Variants in NR2F1-AS1 observed in about 807,000 individuals in gnomAD.
The protein encoded by NR2F1-AS1 is NR2F1 antisense RNA 1.
chr5:93,493,175 T>A (rs1352094369), intron 4 of NR2F1-AS1, among the ~76,000 whole-genome samples: 1 of 152,100 alleles, frequency 6.6e-6, no homozygotes, highest in Non-Finnish European at 1.5e-5. Context: ...CTAGTGCTAA[T>A]AAGCAAATTC....
rs187608451 is a variant in NR2F1-AS1, at chr5:93,487,757, T to C, written n.638+66004A>G. 1.8e-3 allele frequency among the ~76,000 whole-genome samples: 268 copies of C among 152,164 alleles called. 1 individual carries two copies. The highest frequency in any genetic ancestry group is 6.8e-3 in the Middle Eastern group (2 of 294). On this transcript the variant is annotated intron_variant and non_coding_transcript_variant, in intron 4 of 5. Coordinates refer to ENST00000660523, the Ensembl canonical transcript of NR2F1-AS1. ...GGAAAAAACTACTTTAAACTTGATA[T>C]GGAACCAAAAAAGAGCCTGTATAGC...
intron 4 of NR2F1-AS1, among the ~76,000 whole-genome samples, chr5:93,459,645 T>C (rs1750046514): frequency 6.6e-6 from 1 of 152,210 alleles, no homozygotes; most frequent in Non-Finnish European, 1.5e-5. Context: ...TAGTTTAACA[T>C]TTTTTAAATA....
At chr5:93,567,226 C>G (rs1036787639) in intron 1 of NR2F1-AS1, among the ~76,000 whole-genome samples, 1 of 151,106 alleles carries the variant, frequency 6.6e-6, no homozygotes, top group Non-Finnish European at 1.5e-5. Context: ...TAGACAACAC[C>G]TTTTTTTTTC....
chr5:93,515,733 G>A (rs773355750), intron 4 of NR2F1-AS1, among the ~76,000 whole-genome samples: 28 of 151,704 alleles, frequency 1.8e-4, no homozygotes, highest in Non-Finnish European at 3.7e-4. Context: ...AGTATAAATT[G>A]GGCCTTAATA....
At chr5:93,467,760 T>C (rs1416614110) in intron 4 of NR2F1-AS1, among the ~76,000 whole-genome samples, 1 of 152,190 alleles carries the variant, frequency 6.6e-6, no homozygotes, top group East Asian at 1.9e-4. Context: ...ATGTGCCATG[T>C]TGGTTTGCTG....
intron 4 of NR2F1-AS1, among the ~76,000 whole-genome samples, chr5:93,545,575 G>A: frequency 6.6e-6 from 1 of 152,138 alleles, no homozygotes; most frequent in South Asian, 2.1e-4. Flanking sequence ...AAAGGCAGTA[G>A]GTGGGCATTA....
intron 4 of NR2F1-AS1, among the ~76,000 whole-genome samples, chr5:93,550,711 T>C (rs1176783299): frequency 6.6e-6 from 1 of 152,226 alleles, no homozygotes; most frequent in Admixed American, 6.5e-5. Flanking sequence ...GTTAAAATGT[T>C]AGCAAGTGCA....
chr5:93,496,404 C>T (rs575427683), intron 4 of NR2F1-AS1, among the ~76,000 whole-genome samples: 18 of 152,226 alleles, frequency 1.2e-4, no homozygotes, highest in South Asian at 6.2e-4. Flanking sequence ...ATGTGAGACA[C>T]GGCATAGCTT....
chr5:93,440,822 A>G (rs1213600753), intron 4 of NR2F1-AS1, among the ~76,000 whole-genome samples: 1 of 152,204 alleles, frequency 6.6e-6, no homozygotes, highest in Non-Finnish European at 1.5e-5. Context: ...ATGAGGAAAA[A>G]TAAATGCATT....
At chr5:93,416,556 A>C (rs1304964684) in intron 4 of NR2F1-AS1, among the ~76,000 whole-genome samples, 1 of 152,204 alleles carries the variant, frequency 6.6e-6, no homozygotes, top group East Asian at 1.9e-4. Context: ...GACATGTGGG[A>C]GTTTATTACA....
chr5:93,510,272 G>T (rs31466), intron 4 of NR2F1-AS1, among the ~76,000 whole-genome samples: 163 of 152,140 alleles, frequency 1.1e-3, no homozygotes, highest in Middle Eastern at 6.8e-3. Flanking sequence ...AAGAGTCTCT[G>T]ATTTCACTGC....
chr5:93,520,185 C>T (rs1255984764), intron 4 of NR2F1-AS1, among the ~76,000 whole-genome samples: 1 of 152,032 alleles, frequency 6.6e-6, no homozygotes, highest in Non-Finnish European at 1.5e-5. Flanking sequence ...ATGCTTAAAA[C>T]TAAAGTTTGC....
intron 4 of NR2F1-AS1, among the ~76,000 whole-genome samples, chr5:93,427,918 A>AAGAAAG (rs1369035405): frequency 6.6e-6 from 1 of 150,822 alleles, no homozygotes; most frequent in Non-Finnish European, 1.5e-5. Context: ...AAGAGAGAGA[A>AAGAAAG]AGAGAGAGAG....
intron 4 of NR2F1-AS1, among the ~76,000 whole-genome samples, chr5:93,525,013 T>A (rs1170272333): frequency 6.6e-6 from 1 of 152,038 alleles, no homozygotes; most frequent in Admixed American, 6.6e-5. Flanking sequence ...AATAACAAGG[T>A]TAACCTTAAA....
At chr5:93,559,328 A>G (rs1298986607) in intron 2 of NR2F1-AS1, among the ~76,000 whole-genome samples, 2 of 152,210 alleles carry the variant, frequency 1.3e-5, no homozygotes, top group Admixed American at 6.5e-5. Flanking sequence ...CCTTCACAGA[A>G]TCGAAGAGAG....
chr5:93,467,507 C>T (rs1231342769), intron 4 of NR2F1-AS1, among the ~76,000 whole-genome samples: 1 of 152,182 alleles, frequency 6.6e-6, no homozygotes, highest in Non-Finnish European at 1.5e-5. Context: ...CAGGCCAGTG[C>T]TCCGTTCAGT....
At chr5:93,458,179 G>A (rs918758466) in intron 4 of NR2F1-AS1, among the ~76,000 whole-genome samples, 5 of 152,090 alleles carry the variant, frequency 3.3e-5, no homozygotes, top group African/African-American at 9.7e-5. Context: ...GGGGACCGGC[G>A]CTCAGCATAC....
chr5:93,502,241 A>C (rs1204349828), intron 4 of NR2F1-AS1, among the ~76,000 whole-genome samples: 1 of 152,184 alleles, frequency 6.6e-6, no homozygotes, highest in Non-Finnish European at 1.5e-5. Context: ...AGTGGTCTGG[A>C]GCTGAACTTG....
In NR2F1-AS1 at chr5:93,546,105, T is replaced by C. The variant is rs1752079308; in HGVS notation, n.638+7656A>G. On this transcript the variant is annotated intron_variant and non_coding_transcript_variant, in intron 4 of 5. Coordinates refer to ENST00000660523, the Ensembl canonical transcript of NR2F1-AS1. ...TAATTAACCTCTCCGAACTTCAGTTTCCTCCTCTCTAAAATGAAACTATGA... is the reference window on the plus strand; with the variant it reads ...TAATTAACCTCTCCGAACTTCAGTTCCCTCCTCTCTAAAATGAAACTATGA... Among the ~76,000 whole-genome samples the C allele has an allele frequency of 2.0e-5, 3 of 152,164 alleles. No individual in the cohort carries two copies. The South Asian group carries it at 6.2e-4, about 32-fold the overall frequency.
Sources: gnomAD v4.1 joint callset for allele counts (sites outside exome capture counted in the v4.1 genomes callset) on GRCh38, gnomAD v4.1.1 for gene constraint, MANE v1.5 for transcripts, NCBI Gene and HGNC (gene_info 2026-07-23, HGNC 2026-07-21) for gene names.